Variants in EYS observed in about 807,000 individuals in gnomAD.
EYS encodes the protein protein eyes shut homolog.
Under a neutral mutation model 282.1 loss-of-function variants are expected in EYS, and 250 were observed. That is an observed-to-expected ratio of 0.89 (90% CI 0.80 to 0.98). The LOEUF (loss-of-function observed/expected upper bound fraction) is 0.98. Ranked by LOEUF, EYS falls within the 50% of genes least tolerant of loss-of-function variation. The pLI, the probability that EYS is intolerant of heterozygous loss-of-function variation, is 0.00. For missense variants in EYS, 4,016 were observed against 3,709.0 expected (o/e 1.08, Z -2.15); for synonymous variants, 1,355 against 1,282.9 (o/e 1.06, Z -1.20).
intron 12 of EYS, among the ~76,000 whole-genome samples, chr6:65,242,852 T>A (rs1454279360): frequency 6.6e-6 from 1 of 151,726 alleles, no homozygotes; most frequent in Non-Finnish European, 1.5e-5. Flanking sequence ...AGACTTGTAT[T>A]TTTTTTTAAA....
chr6:65,178,608 A>T (rs913655308), intron 12 of EYS, among the ~76,000 whole-genome samples: 1 of 152,054 alleles, frequency 6.6e-6, no homozygotes, highest in African/African-American at 2.4e-5. Flanking sequence ...ACACATTAAT[A>T]GTGGGAGACT....
chr6:65,323,163 T>C (rs2150306624), intron 11 of EYS, among the ~76,000 whole-genome samples: 1 of 145,046 alleles, frequency 6.9e-6, no homozygotes, highest in Admixed American at 7.0e-5. Context: ...AGGGATTTTT[T>C]TAAAACTCTG....
At position 65,381,540 on chromosome 6, in the gene EYS, C is replaced by G. The variant is rs1184945803; in HGVS notation, c.1299+2846G>C. On this transcript the variant is annotated intron_variant, in intron 8 of 42. Coordinates refer to ENST00000503581, the MANE Select transcript of EYS (RefSeq NM_001142800.2). ...CATGTGGGGCTTAAAACCTGTATGA[C>G]GGGTTGATAGGTGCCGCAAACCACC... Among the ~76,000 whole-genome samples, 4 of 151,644 alleles carry G rather than the reference C, an allele frequency of 2.6e-5. No individual in the cohort carries two copies. The Admixed American group carries it at 2.6e-4, about 10-fold the overall frequency.
chr6:64,842,531 G>A lies in EYS; in HGVS notation c.2993-19709C>T, dbSNP rs147870992. Among the ~76,000 whole-genome samples, 24 of 152,008 alleles carry A rather than the reference G, an allele frequency of 1.6e-4. No individual in the cohort carries two copies. In the East Asian group the frequency reaches 4.6e-3, roughly 29 times the overall value. ...GCTCAGGAGAAGACAGAAAAATGTG[G>A]GAAAGTTTGGAATCTTCTAGAGACT... On this transcript the variant is annotated intron_variant, in intron 19 of 42. Transcript: ENST00000503581.
In EYS at chr6:64,265,657, A is replaced by G. The variant is rs530245966; in HGVS notation, c.6192-34833T>C. Among the ~76,000 whole-genome samples, 6 of 152,282 alleles carry G rather than the reference A, an allele frequency of 3.9e-5. 1 individual carries two copies. In the South Asian group the frequency reaches 1.2e-3, roughly 32 times the overall value. ...GAAACTCAAAGTAGAAAGGACAAGTATGTTGACCTTAGTCACATCTGAGTA... is the reference window on the plus strand; with the variant it reads ...GAAACTCAAAGTAGAAAGGACAAGTGTGTTGACCTTAGTCACATCTGAGTA... On this transcript the variant is annotated intron_variant, in intron 30 of 42. Coordinates refer to ENST00000503581, the MANE Select transcript of EYS (RefSeq NM_001142800.2).
intron 28 of EYS, among the ~76,000 whole-genome samples, chr6:64,415,405 A>T (rs1774028443): frequency 6.6e-6 from 1 of 152,176 alleles, no homozygotes; most frequent in Non-Finnish European, 1.5e-5. Flanking sequence ...TTCAAACTGC[A>T]TCTATGTAGC....
intron 15 of EYS, among the ~76,000 whole-genome samples, chr6:64,916,853 A>G (rs1768181092): frequency 6.6e-6 from 1 of 152,222 alleles, no homozygotes. Flanking sequence ...GGTGTAAAAT[A>G]CATTGAACAC....
intron 13 of EYS, among the ~76,000 whole-genome samples, chr6:65,039,121 A>AT: frequency 6.6e-6 from 1 of 151,360 alleles, no homozygotes; most frequent in East Asian, 1.9e-4. Context: ...GAACTTCTAC[A>AT]TTTTCTCCTT....
rs572835701 is a variant in EYS at position 64,758,255 on chromosome 6, C to CT, written c.3443+55122dup. 8.1e-3 allele frequency among the ~76,000 whole-genome samples: 1,236 copies of CT among 152,264 alleles called. 20 individuals carry two copies. Among genetic ancestry groups the CT allele is most frequent in the Non-Finnish European group, 8.8e-3 (597 of 68,032 alleles). ...CATTTACCTCACTAGCCACTATACT[C>CT]TCCTCTAAATAAGTTAAAACTTCTG... On this transcript the variant is annotated intron_variant, in intron 22 of 42. Coordinates refer to ENST00000503581, the MANE Select transcript of EYS (RefSeq NM_001142800.2).
At chr6:64,834,257 A>T (rs951312579) in intron 19 of EYS, among the ~76,000 whole-genome samples, 1 of 151,908 alleles carries the variant, frequency 6.6e-6, no homozygotes, top group African/African-American at 2.4e-5. Context: ...AAAAAAGCTC[A>T]TGATTACAAA....
chr6:64,164,326 T>C (rs1220847543), intron 31 of EYS, among the ~76,000 whole-genome samples: 1 of 152,128 alleles, frequency 6.6e-6, no homozygotes, highest in African/African-American at 2.4e-5. Flanking sequence ...TTTCTTACCA[T>C]GAGTATTGCC....
intron 22 of EYS, among the ~76,000 whole-genome samples, chr6:64,719,953 A>G (rs1316219225): frequency 2.6e-5 from 4 of 152,198 alleles, no homozygotes; most frequent in South Asian, 2.1e-4. Flanking sequence ...GAAAGACCAT[A>G]AAAGGTTTAA....
chr6:64,567,231 A>G (rs1765593646), intron 26 of EYS, among the ~76,000 whole-genome samples: 1 of 152,216 alleles, frequency 6.6e-6, no homozygotes, highest in Non-Finnish European at 1.5e-5. Flanking sequence ...ACGGAGTGAG[A>G]GTATACATCA....
At chr6:64,165,483 G>T (rs1001457726) in intron 31 of EYS, among the ~76,000 whole-genome samples, 1 of 152,026 alleles carries the variant, frequency 6.6e-6, no homozygotes, top group Admixed American at 6.6e-5. Context: ...ACTTTGATAT[G>T]ATTTCCAATT....
chr6:63,734,055 G>A (rs369181344), intron 41 of EYS, among the ~76,000 whole-genome samples: 1 of 152,140 alleles, frequency 6.6e-6, no homozygotes, highest in Non-Finnish European at 1.5e-5. Flanking sequence ...GTTCTCATAA[G>A]TGGGAGCTAA....
At chr6:65,220,122 T>A (rs1766422632) in intron 12 of EYS, among the ~76,000 whole-genome samples, 1 of 152,208 alleles carries the variant, frequency 6.6e-6, no homozygotes, top group Non-Finnish European at 1.5e-5. Context: ...ACTATTTTTT[T>A]AAACTTTTTA....
intron 22 of EYS, among the ~76,000 whole-genome samples, chr6:64,760,060 T>C (rs1292431232): frequency 6.6e-6 from 1 of 152,254 alleles, no homozygotes; most frequent in East Asian, 1.9e-4. Context: ...GTACCAATTA[T>C]GTTTTTAAAA....
intron 29 of EYS, among the ~76,000 whole-genome samples, chr6:64,338,609 A>G (rs908809909): frequency 1.3e-5 from 2 of 151,782 alleles, no homozygotes; most frequent in African/African-American, 2.4e-5. Flanking sequence ...TACCACCATC[A>G]CTTAACATAA....
intron 12 of EYS, among the ~76,000 whole-genome samples, chr6:65,078,568 C>A (rs9445463): frequency 1.3e-5 from 2 of 151,888 alleles, no homozygotes; most frequent in Non-Finnish European, 2.9e-5. Context: ...GAATGAAGTT[C>A]CAAATGTAGA....
Sources: gnomAD v4.1 joint callset for allele counts (sites outside exome capture counted in the v4.1 genomes callset) on GRCh38, gnomAD v4.1.1 for gene constraint, MANE v1.5 for transcripts, NCBI Gene and HGNC (gene_info 2026-07-23, HGNC 2026-07-21) for gene names.